The following SLC35F3 variants were observed in gnomAD, a reference collection of about 807,000 sequenced individuals.
The protein encoded by SLC35F3 is putative thiamine transporter SLC35F3.
A neutral mutation model predicts 49.9 loss-of-function variants in SLC35F3; 25 were observed. The ratio of observed to expected loss-of-function variants is 0.50; its 90% CI spans 0.37 to 0.70. SLC35F3 has a LOEUF of 0.70. Among genes scored for constraint, SLC35F3 ranks in the 30% least tolerant of loss-of-function variants. The pLI, the probability that SLC35F3 is intolerant of heterozygous loss-of-function variation, is 0.00. For synonymous variants in SLC35F3, 275 were observed against 265.4 expected, an observed-to-expected ratio of 1.04 and a Z score of -0.35; for missense variants, 525 against 639.8, an observed-to-expected ratio of 0.82 and a Z score of 1.94.
intron 2 of SLC35F3, among the ~76,000 whole-genome samples, chr1:233,934,597 G>GA (rs1404838314): frequency 6.6e-6 from 1 of 152,092 alleles, no homozygotes; most frequent in East Asian, 1.9e-4. Context: ...TATCCAAAAT[G>GA]AAATGAATGT....
At chr1:233,972,384 A>G (rs930967176) in intron 2 of SLC35F3, among the ~76,000 whole-genome samples, 7 of 152,240 alleles carry the variant, frequency 4.6e-5, no homozygotes, top group Admixed American at 1.3e-4. Flanking sequence ...TATGTTTTAT[A>G]TATATGTATG....
chr1:234,110,237 T>G (rs1665386622), intron 2 of SLC35F3, among the ~76,000 whole-genome samples: 1 of 152,156 alleles, frequency 6.6e-6, no homozygotes, highest in African/African-American at 2.4e-5. Context: ...CAAGAGCTCT[T>G]GGATGCCTGG....
At chr1:234,073,438 C>T (rs925091812) in intron 2 of SLC35F3, among the ~76,000 whole-genome samples, 1 of 152,214 alleles carries the variant, frequency 6.6e-6, no homozygotes, top group African/African-American at 2.4e-5. Context: ...AACCACCATG[C>T]CCAGTCCCCT....
rs1663570992 is a variant in SLC35F3 at position 234,002,622 on chromosome 1, T to A, written c.283+96864T>A. Among the ~76,000 whole-genome samples, 4 of 152,180 alleles carry A rather than the reference T, an allele frequency of 2.6e-5. No individual in the cohort carries two copies. In the South Asian group the frequency reaches 8.3e-4, roughly 32 times the overall value. ...CTTATACAGTTGACGTTGGCCTTGA[T>A]CACCTGGCTGAGGTTGTGTTAGTCA... On this transcript the variant is annotated intron_variant, in intron 2 of 7. Coordinates refer to ENST00000366618, the MANE Select transcript of SLC35F3 (RefSeq NM_173508.4).
intron 3 of SLC35F3, among the ~76,000 whole-genome samples, chr1:234,249,169 G>C (rs767798987): frequency 1.1e-4 from 16 of 152,132 alleles, no homozygotes; most frequent in Non-Finnish European, 1.9e-4. Context: ...TGAGGCAATT[G>C]TATCCTACCC....
At chr1:234,050,029 G>A (rs1318351582) in intron 2 of SLC35F3, among the ~76,000 whole-genome samples, 1 of 152,166 alleles carries the variant, frequency 6.6e-6, no homozygotes, top group African/African-American at 2.4e-5. Flanking sequence ...TATTAATCCA[G>A]TCTATCATTG....
intron 2 of SLC35F3, among the ~76,000 whole-genome samples, chr1:234,021,633 A>G (rs997106236): frequency 3.3e-5 from 5 of 152,214 alleles, no homozygotes; most frequent in African/African-American, 1.2e-4. Context: ...CAATGTTGAA[A>G]TTAGACCATG....
At chr1:234,197,459 G>A (rs1374346957) in intron 2 of SLC35F3, among the ~76,000 whole-genome samples, 1 of 152,222 alleles carries the variant, frequency 6.6e-6, no homozygotes, top group African/African-American at 2.4e-5. Flanking sequence ...TTCGGTTAAG[G>A]AGAGTCAATC....
intron 2 of SLC35F3, among the ~76,000 whole-genome samples, chr1:234,107,652 T>TCAA (rs374974494): frequency 0.45 from 69,114 of 151,936 alleles, 16,230 homozygotes; most frequent in East Asian, 0.82. Flanking sequence ...TGGCTCTATT[T>TCAA]ACCCAGCTCC....
chr1:234,174,083 C>T (rs960564197), intron 2 of SLC35F3, among the ~76,000 whole-genome samples: 8 of 152,230 alleles, frequency 5.3e-5, no homozygotes, highest in South Asian at 2.1e-4. Flanking sequence ...GACAGCTCTG[C>T]GTGGCAGTCC....
At chr1:234,094,958 C>G (rs1665096291) in intron 2 of SLC35F3, among the ~76,000 whole-genome samples, 1 of 152,082 alleles carries the variant, frequency 6.6e-6, no homozygotes, top group African/African-American at 2.4e-5. Flanking sequence ...TGGTCATAAA[C>G]CATAGTTAGT....
At chr1:233,978,858 C>A (rs1441620311) in intron 2 of SLC35F3, among the ~76,000 whole-genome samples, 1 of 152,070 alleles carries the variant, frequency 6.6e-6, no homozygotes, top group Non-Finnish European at 1.5e-5. Context: ...AGTTAAACCC[C>A]CATCTCTACT....
chr1:234,316,470 G>A, intron 4 of SLC35F3, 132 bp from the exon 5 acceptor site: 3 of 1,239,964 alleles, frequency 2.4e-6, no homozygotes, highest in Non-Finnish European at 3.3e-6. Context: ...CTCCCAAGGA[G>A]GAACAAAAAG....
At chr1:234,164,778 G>A (rs1045103020) in intron 2 of SLC35F3, among the ~76,000 whole-genome samples, 1 of 133,106 alleles carries the variant, frequency 7.5e-6, no homozygotes, top group Non-Finnish European at 1.5e-5. Flanking sequence ...GTTGTGTTTA[G>A]CCATTACTGA....
intron 7 of SLC35F3, among the ~76,000 whole-genome samples, chr1:234,322,059 C>T (rs572737648): frequency 1.3e-5 from 2 of 151,708 alleles, no homozygotes; most frequent in African/African-American, 4.8e-5. Flanking sequence ...ATTAGCCAGG[C>T]GTGGTGGCAC....
intron 3 of SLC35F3, among the ~76,000 whole-genome samples, chr1:234,247,890 C>T (rs1382561822): frequency 2.6e-5 from 4 of 151,848 alleles, no homozygotes; most frequent in African/African-American, 7.3e-5. Flanking sequence ...TTGGCTGGTC[C>T]GTTGTTTGGT....
chr1:233,958,202 G>C (rs7554561), intron 2 of SLC35F3, among the ~76,000 whole-genome samples: 3,264 of 152,222 alleles, frequency 0.021, 124 homozygotes, highest in African/African-American at 0.075. Flanking sequence ...CTCTTTTGAT[G>C]ATATGAACTA....
chr1:233,960,099 C>T (rs890866342), intron 2 of SLC35F3, among the ~76,000 whole-genome samples: 1 of 152,158 alleles, frequency 6.6e-6, no homozygotes, highest in Admixed American at 6.5e-5. Context: ...ATCTAGATCC[C>T]GACCTGTCTG....
rs150836654 is a variant in SLC35F3, at chr1:234,316,721, C to T, written c.948C>T (p.Leu316=). The T allele has an allele frequency of 4.7e-5, 75 of 1,606,644 alleles. No individual in the cohort carries two copies. Among genetic ancestry groups the T allele is most frequent in the Non-Finnish European group, 6.1e-5 (72 of 1,173,896 alleles). The change falls in exon 5 of 8, where the codon CTC becomes CTT. Residue 316 remains leucine (L), a synonymous_variant. Transcript: ENST00000366618. ...TGGCCTCAGCATCGATGTCTGCCCT[C>T]TACAAGGTACGCCCGGGGAGTGAAC... ...LVVASASMSA[L]YKVLFKLLLG...
Sources: gnomAD v4.1 joint callset for allele counts (sites outside exome capture counted in the v4.1 genomes callset) on GRCh38, gnomAD v4.1.1 for gene constraint, MANE v1.5 for transcripts, NCBI Gene and HGNC (gene_info 2026-07-23, HGNC 2026-07-21) for gene names.